PDS5A: variants seen among roughly 807,000 people sequenced by gnomAD.
PDS5A encodes sister chromatid cohesion protein PDS5 homolog A.
In PDS5A, 42 loss-of-function variants were observed where a neutral mutation model predicts 167.1. The ratio of observed to expected loss-of-function variants is 0.25; its 90% CI spans 0.20 to 0.33. The LOEUF (loss-of-function observed/expected upper bound fraction) is 0.33, where lower values mean the gene tolerates loss of function less well. Among genes scored for constraint, PDS5A ranks in the 10% least tolerant of loss-of-function variants. The probability of loss-of-function intolerance (pLI) is 1.00; values close to 1 mark genes in which losing one functional copy is unlikely to be tolerated. For missense variants in PDS5A, 1,033 were observed against 1,605.9 expected (o/e 0.64, Z 6.10); for synonymous variants, 553 against 554.6 (o/e 1.00, Z 0.04).
chr4:39,910,354 T>C lies in PDS5A; in HGVS notation c.993-16A>G. 1 of 1,254,230 alleles carries C rather than the reference T, an allele frequency of 8.0e-7. No homozygotes were observed. The highest frequency in any genetic ancestry group is 1.3e-5 in the South Asian group (1 of 79,188). The allele number at this position is 1,254,230 out of a possible 1,614,324, so 77.7% of individuals were successfully genotyped here. On this transcript the variant is annotated splice_polypyrimidine_tract_variant and intron_variant, in intron 9 of 32. Coordinates refer to ENST00000303538, the MANE Select transcript of PDS5A (RefSeq NM_001100399.2). ...ATCATTAAATCTACACAGAAAAAGA[T>C]TGCTAAACATTAATTGTAAGGCAAA...
chr4:39,963,341 AC>A (rs1291099564), intron 2 of PDS5A, among the ~76,000 whole-genome samples: 1 of 151,268 alleles, frequency 6.6e-6, no homozygotes, highest in Non-Finnish European at 1.5e-5. Context: ...CACCTATAAT[AC>A]CAGCTACTCA....
rs940911769 is a variant in PDS5A at position 39,824,900 on chromosome 4, G to A, written c.*585C>T. 1.3e-5 allele frequency: 2 copies of A among 152,564 alleles called. No individual in the cohort carries two copies. The highest frequency in any genetic ancestry group is 4.8e-5 in the African/African-American group (2 of 41,436). 9.5% of individuals were successfully genotyped at this position (152,564 alleles called of 1,614,324 possible). A position where few individuals can be genotyped will look rare whatever the true frequency, so the allele number is the denominator to read the frequency against. On this transcript the variant is annotated 3_prime_UTR_variant, in exon 33 of 33. Coordinates refer to ENST00000303538, the MANE Select transcript of PDS5A (RefSeq NM_001100399.2). ...ACATCACTTTTCATAGCAGGGAACC[G>A]AAATCTGTACATCTCATTTTTGCAG...
At chr4:39,839,994 T>G (rs1423844361) in intron 31 of PDS5A, among the ~76,000 whole-genome samples, 2 of 151,954 alleles carry the variant, frequency 1.3e-5, no homozygotes, top group Non-Finnish European at 2.9e-5. Flanking sequence ...CTCAGGAGGC[T>G]GAGGCAGGAG....
intron 29 of PDS5A, among the ~76,000 whole-genome samples, chr4:39,845,583 T>C (rs1280276567): frequency 6.6e-6 from 1 of 152,178 alleles, no homozygotes; most frequent in East Asian, 1.9e-4. Context: ...TCTTTGTGAA[T>C]TGTAAATAAA....
chr4:39,969,343 GTT>G (rs1730284088), intron 2 of PDS5A, among the ~76,000 whole-genome samples: 1 of 152,108 alleles, frequency 6.6e-6, no homozygotes, highest in Non-Finnish European at 1.5e-5. Flanking sequence ...CTGTACCTAT[GTT>G]ACCATCTCTA....
intron 2 of PDS5A, among the ~76,000 whole-genome samples, chr4:39,966,827 G>A (rs905246126): frequency 4.0e-4 from 61 of 150,842 alleles, no homozygotes; most frequent in Non-Finnish European, 2.4e-4. Flanking sequence ...GTGAAACCCC[G>A]TCTCTACTAA....
intron 32 of PDS5A, among the ~76,000 whole-genome samples, chr4:39,831,561 TAAGTATA>T (rs1042344783): frequency 1.3e-5 from 2 of 152,092 alleles, no homozygotes; most frequent in Non-Finnish European, 2.9e-5. Context: ...TAACCATTTT[TAAGTATA>T]AAGTTTAATG....
chr4:39,832,907 GC>G, intron 32 of PDS5A, among the ~76,000 whole-genome samples: 1 of 152,008 alleles, frequency 6.6e-6, no homozygotes, highest in East Asian at 1.9e-4. Flanking sequence ...TGTAATCCCA[GC>G]ACTTTGGGAG....
intron 12 of PDS5A, among the ~76,000 whole-genome samples, chr4:39,902,724 T>C (rs2109657554): frequency 6.6e-6 from 1 of 152,194 alleles, no homozygotes; most frequent in African/African-American, 2.4e-5. Flanking sequence ...GGTGTCCCTA[T>C]GTTGCCAAGG....
chr4:39,832,732 A>C (rs537362118), intron 32 of PDS5A, among the ~76,000 whole-genome samples: 1 of 152,220 alleles, frequency 6.6e-6, no homozygotes, highest in African/African-American at 2.4e-5. Flanking sequence ...GTGCACACCT[A>C]TGGTCCCAGC....
At chr4:39,952,255 C>T (rs139635835) in intron 2 of PDS5A, among the ~76,000 whole-genome samples, 2 of 152,158 alleles carry the variant, frequency 1.3e-5, no homozygotes, top group African/African-American at 4.8e-5. Context: ...TGCTTGAACC[C>T]GGGAAGCGGA....
In PDS5A at chr4:39,977,731, G is replaced by A. The variant is rs1331086517; in HGVS notation, c.-315C>T. 2.7e-5 allele frequency: 4 copies of A among 149,490 alleles called. No homozygotes were observed. Among genetic ancestry groups the A allele is most frequent in the Non-Finnish European group, 6.0e-5 (4 of 66,948 alleles). The allele number at this position is 149,490 out of a possible 1,614,324, so 9.3% of individuals were successfully genotyped here. A position where few individuals can be genotyped will look rare whatever the true frequency, so the allele number is the denominator to read the frequency against. On this transcript the variant is annotated 5_prime_UTR_variant, in exon 1 of 33. Coordinates refer to ENST00000303538, the MANE Select transcript of PDS5A (RefSeq NM_001100399.2). This position sits in a 1 kb window ranked among gnomAD's most constrained non-coding sequence, Gnocchi z 4.2. Reference sequence around the variant, plus strand: ...AGCAGCCTCGAAGGCTCCTCCGGGAGTGTGTGCGCTTGTGTCCGTCCGGGA... The same window carrying A: ...AGCAGCCTCGAAGGCTCCTCCGGGAATGTGTGCGCTTGTGTCCGTCCGGGA...
intron 2 of PDS5A, among the ~76,000 whole-genome samples, chr4:39,957,309 T>A (rs1371366177): frequency 6.6e-6 from 1 of 151,878 alleles, no homozygotes. Flanking sequence ...AAGGCGAGAC[T>A]CCATCGCAAG....
intron 22 of PDS5A, among the ~76,000 whole-genome samples, chr4:39,868,301 T>C (rs1252985431): frequency 6.6e-6 from 1 of 150,798 alleles, no homozygotes; most frequent in Non-Finnish European, 1.5e-5. Flanking sequence ...GGTGGAACTA[T>C]AGGTATGCAC....
At chr4:39,860,971 T>C (rs1718935579) in intron 26 of PDS5A, among the ~76,000 whole-genome samples, 1 of 150,712 alleles carries the variant, frequency 6.6e-6, no homozygotes, top group South Asian at 2.1e-4. Context: ...GAAGATGAGG[T>C]AGGAGATTGC....
At chr4:39,898,652 T>C in intron 15 of PDS5A, 124 bp from the exon 16 acceptor site, 2 of 936,186 alleles carry the variant, frequency 2.1e-6, no homozygotes, top group Non-Finnish European at 3.2e-6. Flanking sequence ...AGCTGGTTCT[T>C]AGAAACAAAA....
intron 29 of PDS5A, among the ~76,000 whole-genome samples, chr4:39,845,423 C>T (rs572347806): frequency 2.6e-5 from 4 of 152,216 alleles, no homozygotes; most frequent in South Asian, 2.1e-4. Flanking sequence ...AGTTTAGGAA[C>T]TATTTACAAA....
intron 2 of PDS5A, among the ~76,000 whole-genome samples, chr4:39,930,247 G>GTTTTTTGTT (rs1725916507): frequency 1.6e-5 from 1 of 61,950 alleles, no homozygotes; most frequent in Non-Finnish European, 3.2e-5. Context: ...AAAAAAAAAA[G>GTTTTTTGTT]TTTTTTTGTT....
rs562482408 is a variant in PDS5A at position 39,849,884 on chromosome 4, C to G, written c.3087-232G>C. Among the ~76,000 whole-genome samples the G allele has an allele frequency of 4.6e-5, 7 of 152,182 alleles. No individual in the cohort carries two copies. In the South Asian group the frequency reaches 1.5e-3, roughly 32 times the overall value. On this transcript the variant is annotated intron_variant, in intron 26 of 32. Coordinates refer to ENST00000303538, the MANE Select transcript of PDS5A (RefSeq NM_001100399.2). Reference sequence around the variant, plus strand: ...TTAATATGAGAAAGTCTGACAGTTTCATAAGGCATATAAAGATTCACCCTA... The same window carrying G: ...TTAATATGAGAAAGTCTGACAGTTTGATAAGGCATATAAAGATTCACCCTA...
Sources: allele counts gnomAD v4.1 joint callset (sites outside exome capture counted in the v4.1 genomes callset), GRCh38; gene constraint gnomAD v4.1.1; non-coding constraint Gnocchi (gnomAD v3.1); transcripts MANE v1.5; gene names NCBI Gene and HGNC (gene_info 2026-07-23, HGNC 2026-07-21).